The following ZNF451 variants were observed in gnomAD, a reference collection of about 807,000 sequenced individuals.
The protein encoded by ZNF451 is E3 SUMO-protein ligase ZNF451.
Under a neutral mutation model 107.1 loss-of-function variants are expected in ZNF451, and 80 were observed. The ratio of observed to expected loss-of-function variants is 0.75; its 90% CI spans 0.62 to 0.90. The LOEUF is 0.90. Among genes scored for constraint, ZNF451 ranks in the 40% least tolerant of loss-of-function variants. The pLI is 0.00. For synonymous variants in ZNF451, 362 were observed against 406.5 expected (o/e 0.89, Z 1.32); for missense variants, 1,107 against 1,236.2 (o/e 0.90, Z 1.57).
chr6:57,101,805 T>TA (rs1229973834), intron 3 of ZNF451: 1 of 1,550,610 alleles, frequency 6.4e-7, no homozygotes, highest in South Asian at 1.2e-5. Context: ...GGCTTCGACT[T>TA]ACATCTCTCA....
At chr6:57,096,997 T>A (rs1402953003) in intron 2 of ZNF451, among the ~76,000 whole-genome samples, 1 of 151,938 alleles carries the variant, frequency 6.6e-6, no homozygotes, top group Admixed American at 6.6e-5. Context: ...CTTGAACTCC[T>A]GACCTCAAGT....
In ZNF451 at chr6:57,100,485, A is replaced by G. The variant is rs1829541511; in HGVS notation, c.186+1344A>G. 6 of 1,180,568 alleles carry G rather than the reference A, an allele frequency of 5.1e-6. No homozygotes were observed. In the South Asian group the frequency reaches 1.2e-4, roughly 24 times the overall value. 73.1% of individuals were successfully genotyped at this position (1,180,568 alleles called of 1,614,324 possible). A position where few individuals can be genotyped will look rare whatever the true frequency, so the allele number is the denominator to read the frequency against. Reference sequence around the variant, plus strand: ...TGGATTGTATCTTTCACTGTTAATTATAATAATTTAAAAATTGAGTTCTAC... The same window carrying G: ...TGGATTGTATCTTTCACTGTTAATTGTAATAATTTAAAAATTGAGTTCTAC... On this transcript the variant is annotated intron_variant, in intron 3 of 14. Coordinates refer to ENST00000370706, the MANE Select transcript of ZNF451 (RefSeq NM_001031623.3).
chr6:57,101,956 C>T (rs1466180782), intron 3 of ZNF451: 2 of 1,550,404 alleles, frequency 1.3e-6, no homozygotes, highest in Non-Finnish European at 8.7e-7. Context: ...TAATCAGCAT[C>T]GATACTTTTA....
intron 5 of ZNF451, among the ~76,000 whole-genome samples, chr6:57,130,755 T>A (rs558273214): frequency 7.2e-5 from 11 of 152,182 alleles, no homozygotes; most frequent in Admixed American, 3.3e-4. Context: ...ATCAAATGAG[T>A]TATTTAGCTG....
At chr6:57,135,412 TACTA>T (rs1422807294) in intron 7 of ZNF451, among the ~76,000 whole-genome samples, 3 of 152,166 alleles carry the variant, frequency 2.0e-5, no homozygotes, top group Non-Finnish European at 2.9e-5. Context: ...TTTAATGACT[TACTA>T]ACATTGCAGA....
At chr6:57,108,692 A>C in intron 3 of ZNF451, 1 of 985,400 alleles carries the variant, frequency 1.0e-6, no homozygotes, top group Admixed American at 6.1e-5. Context: ...ATATTCTGAC[A>C]GGTCTTGGAA....
At chr6:57,113,722 C>T (rs1029436668) in intron 3 of ZNF451, among the ~76,000 whole-genome samples, 17 of 151,162 alleles carry the variant, frequency 1.1e-4, no homozygotes, top group African/African-American at 9.7e-5. Context: ...CCCGGGTTCA[C>T]GCCATTCTCC....
chr6:57,140,643 C>A (rs1425001693), intron 7 of ZNF451, among the ~76,000 whole-genome samples: 1 of 151,248 alleles, frequency 6.6e-6, no homozygotes, highest in East Asian at 1.9e-4. Context: ...ATCATTATTT[C>A]TAGTGGGAAA....
chr6:57,153,073 C>A (rs374912550), intron 12 of ZNF451, among the ~76,000 whole-genome samples: 1 of 152,102 alleles, frequency 6.6e-6, no homozygotes, highest in African/African-American at 2.4e-5. Context: ...TGGGGACTTA[C>A]ATGTCACACT....
At chr6:57,168,387 G>A in intron 14 of ZNF451, 36 bp from the exon 15 acceptor site, 1 of 1,482,370 alleles carries the variant, frequency 6.7e-7, no homozygotes, top group East Asian at 2.3e-5. Context: ...TGAGTTTTCT[G>A]CCCTAAGTGT....
chr6:57,093,075 A>C (rs181421870), intron 2 of ZNF451: 98 of 152,284 alleles, frequency 6.4e-4, no homozygotes, highest in African/African-American at 2.1e-3. Flanking sequence ...ATTTCTGTTT[A>C]GTAATATGAT....
intron 3 of ZNF451, chr6:57,108,520 T>C: frequency 1.0e-6 from 1 of 979,874 alleles, no homozygotes; most frequent in Non-Finnish European, 1.2e-6. Context: ...TTTCAATTCA[T>C]TTTTTTTTAC....
At chr6:57,107,198 A>G (rs1829902088) in intron 3 of ZNF451, 1 of 985,328 alleles carries the variant, frequency 1.0e-6, no homozygotes, top group African/African-American at 1.7e-5. Flanking sequence ...TATTCTATGT[A>G]TTGATCTTTT....
chr6:57,108,107 G>A lies in ZNF451; in HGVS notation c.186+8966G>A, dbSNP rs1829953008. On this transcript the variant is annotated intron_variant, in intron 3 of 14. Transcript: ENST00000370706. ...ACCTACCTTGGCCTCCCAAAGTGCT[G>A]GGATTACAGGCGTGAGCCACAGTGC... 8 of 978,572 alleles carry A rather than the reference G, an allele frequency of 8.2e-6. No individual in the cohort carries two copies. In the South Asian group the frequency reaches 3.8e-4, roughly 46 times the overall value. The allele number at this position is 978,572 out of a possible 1,614,324, so 60.6% of individuals were successfully genotyped here.
At position 57,128,758 on chromosome 6, in the gene ZNF451, G is replaced by T. The variant is rs1349628417; in HGVS notation, c.342G>T (p.Gly114=). ...REKIDFQHAH[G]LQELEFIRGH... is the part of the protein sequence containing the mutation. ...AAATTGATTTTCAGCATGCTCATGG[G>T]TTACAAGAATTGGAATTTATTCGAG... Residue 114 remains glycine, a synonymous_variant, in exon 5 of 15, where the codon GGG becomes GGT. Coordinates refer to ENST00000370706, the MANE Select transcript of ZNF451 (RefSeq NM_001031623.3). The T allele has an allele frequency of 2.5e-6, 4 of 1,612,152 alleles. No homozygotes were observed. The highest frequency in any genetic ancestry group is 3.3e-5 in the Admixed American group (2 of 59,808).
At chr6:57,103,206 C>T (rs1218998518) in intron 3 of ZNF451, 2 of 985,208 alleles carry the variant, frequency 2.0e-6, no homozygotes, top group East Asian at 1.1e-4. Flanking sequence ...AGAGGGATAC[C>T]ATCAGTCTAG....
chr6:57,137,015 G>C (rs926024462), intron 7 of ZNF451, among the ~76,000 whole-genome samples: 7 of 152,142 alleles, frequency 4.6e-5, no homozygotes, highest in African/African-American at 1.7e-4. Flanking sequence ...TACTGAATCT[G>C]TGAGTTTAGT....
rs111849957 is a variant in ZNF451, at chr6:57,100,331, C to T, written c.186+1190C>T. 6.9e-4 allele frequency among the ~76,000 whole-genome samples: 105 copies of T among 152,230 alleles called. 2 individuals carry two copies. The highest frequency in any genetic ancestry group is 2.3e-3 in the African/African-American group (94 of 41,550). ...GCAGGCCAGCATAGCACCACGTGATCTGAGCTTGTTTTTACTCTCTCCTTT... is the reference window on the plus strand; with the variant it reads ...GCAGGCCAGCATAGCACCACGTGATTTGAGCTTGTTTTTACTCTCTCCTTT... On this transcript the variant is annotated intron_variant, in intron 3 of 14. Coordinates refer to ENST00000370706, the MANE Select transcript of ZNF451 (RefSeq NM_001031623.3).
intron 14 of ZNF451, among the ~76,000 whole-genome samples, chr6:57,163,177 T>C (rs1342805049): frequency 1.3e-5 from 2 of 152,152 alleles, no homozygotes; most frequent in African/African-American, 4.8e-5. Flanking sequence ...GGTTGAACCA[T>C]ATAGAATTGC....
Sources: gnomAD v4.1 joint callset for allele counts (sites outside exome capture counted in the v4.1 genomes callset) on GRCh38, gnomAD v4.1.1 for gene constraint, MANE v1.5 for transcripts, NCBI Gene and HGNC (gene_info 2026-07-23, HGNC 2026-07-21) for gene names.